Variants in BRINP3 observed in about 807,000 individuals in gnomAD.
BRINP3 encodes the protein BMP/retinoic acid-inducible neural-specific protein 3.
In BRINP3, 19 loss-of-function variants were observed where a neutral mutation model predicts 71.0. The ratio of observed to expected loss-of-function variants is 0.27; its 90% CI spans 0.19 to 0.39. The LOEUF (loss-of-function observed/expected upper bound fraction) is 0.39. BRINP3 is among the 10% of genes least tolerant of loss of function. The pLI, the probability that BRINP3 is intolerant of heterozygous loss-of-function variation, is 1.00. For missense variants in BRINP3, 959 were observed against 940.8 expected (o/e 1.02, Z -0.25); for synonymous variants, 380 against 337.7 (o/e 1.13, Z -1.37).
At chr1:190,292,465 G>A (rs1366057466) in intron 2 of BRINP3, among the ~76,000 whole-genome samples, 3 of 152,000 alleles carry the variant, frequency 2.0e-5, no homozygotes, top group African/African-American at 4.8e-5. Context: ...AGAAGCATGG[G>A]CAACATAGCT....
chr1:190,226,129 C>T lies in BRINP3; in HGVS notation c.914G>A (p.Arg305Gln), dbSNP rs774992892. 8 of 1,610,718 alleles carry T rather than the reference C, an allele frequency of 5.0e-6. No individual in the cohort carries two copies. Among genetic ancestry groups the T allele is most frequent in the South Asian group, 2.2e-5 (2 of 90,796 alleles). ...DIQAMEENLL[R>Q]ITETWKAYNS... is the part of the protein sequence containing the mutation. ...GTAAGCTTTCCAGGTTTCAGTTATT[C>T]GAAGAAGATTCTCTTCCATGGCTTG... The change falls in exon 6 of 8, where the codon CGA becomes CAA. Residue 305 changes from arginine (R) to glutamine (Q), a missense_variant. Arg to Gln is a conservative substitution (Grantham distance 43). Coordinates refer to ENST00000367462, the MANE Select transcript of BRINP3 (RefSeq NM_199051.3).
chr1:190,472,311 A>G (rs1677187974), intron 1 of BRINP3, among the ~76,000 whole-genome samples: 1 of 151,660 alleles, frequency 6.6e-6, no homozygotes, highest in Non-Finnish European at 1.5e-5. Flanking sequence ...GTCTACGTGT[A>G]CAAGCACTCT....
At chr1:190,417,362 T>A (rs1673075556) in intron 2 of BRINP3, among the ~76,000 whole-genome samples, 1 of 152,180 alleles carries the variant, frequency 6.6e-6, no homozygotes, top group Non-Finnish European at 1.5e-5. Flanking sequence ...TGTATTGCTC[T>A]AATTTTACAG....
chr1:190,180,155 C>T (rs1210791973), intron 6 of BRINP3, among the ~76,000 whole-genome samples: 1 of 152,076 alleles, frequency 6.6e-6, no homozygotes, highest in South Asian at 2.1e-4. Flanking sequence ...AGGGAAAGAG[C>T]ACGTGCCTGC....
intron 2 of BRINP3, among the ~76,000 whole-genome samples, chr1:190,287,311 A>G (rs1297422023): frequency 6.6e-6 from 1 of 152,142 alleles, no homozygotes; most frequent in East Asian, 1.9e-4. Flanking sequence ...TAAAAGGAAA[A>G]TGTTTTAAAT....
intron 2 of BRINP3, among the ~76,000 whole-genome samples, chr1:190,293,274 A>G (rs639574): frequency 0.81 from 122,516 of 151,942 alleles, 49,688 homozygotes; most frequent in Middle Eastern, 0.92. Context: ...TTTTTTTATC[A>G]ATACATAAGT....
At chr1:190,131,755 T>A (rs1385509303) in intron 7 of BRINP3, among the ~76,000 whole-genome samples, 1 of 152,120 alleles carries the variant, frequency 6.6e-6, no homozygotes, top group African/African-American at 2.4e-5. Context: ...TCCATGATCT[T>A]GCTCCTATCT....
chr1:190,304,188 A>G (rs1223368535), intron 2 of BRINP3, among the ~76,000 whole-genome samples: 1 of 151,838 alleles, frequency 6.6e-6, no homozygotes, highest in East Asian at 1.9e-4. Flanking sequence ...AAATCATTAA[A>G]ATGTTTCTTT....
At chr1:190,325,633 G>T (rs1169739522) in intron 2 of BRINP3, among the ~76,000 whole-genome samples, 1 of 152,034 alleles carries the variant, frequency 6.6e-6, no homozygotes, top group Non-Finnish European at 1.5e-5. Context: ...AGGTTGTCTT[G>T]AGTTACTTGA....
intron 1 of BRINP3, among the ~76,000 whole-genome samples, chr1:190,468,310 A>T (rs769285941): frequency 4.6e-5 from 7 of 151,268 alleles, no homozygotes; most frequent in Admixed American, 4.6e-4. Flanking sequence ...TTATTATTGG[A>T]GCTGCTGATT....
At chr1:190,232,452 G>A (rs559683478) in intron 5 of BRINP3, among the ~76,000 whole-genome samples, 1 of 152,058 alleles carries the variant, frequency 6.6e-6, no homozygotes, top group Non-Finnish European at 1.5e-5. Flanking sequence ...GAAATATTGA[G>A]GGTCTTGAAA....
At chr1:190,304,337 T>C (rs1291987761) in intron 2 of BRINP3, among the ~76,000 whole-genome samples, 3 of 151,852 alleles carry the variant, frequency 2.0e-5, no homozygotes. Context: ...ACTTACATAT[T>C]AAAAATTATC....
chr1:190,264,286 G>A (rs1661457476), intron 4 of BRINP3, among the ~76,000 whole-genome samples: 1 of 151,864 alleles, frequency 6.6e-6, no homozygotes, highest in African/African-American at 2.4e-5. Context: ...TGTATTCAAA[G>A]TCAAATGACT....
intron 2 of BRINP3, among the ~76,000 whole-genome samples, chr1:190,383,099 T>G (rs1426804307): frequency 2.0e-5 from 3 of 152,150 alleles, no homozygotes; most frequent in African/African-American, 4.8e-5. Context: ...CTGATATATT[T>G]TTTTTCCTCC....
chr1:190,224,431 T>C (rs1448664768), intron 6 of BRINP3, among the ~76,000 whole-genome samples: 4 of 151,816 alleles, frequency 2.6e-5, no homozygotes, highest in African/African-American at 9.7e-5. Context: ...TGGATAATTT[T>C]ATGCAGAAAA....
At chr1:190,276,697 A>C (rs2102917829) in intron 3 of BRINP3, among the ~76,000 whole-genome samples, 1 of 151,532 alleles carries the variant, frequency 6.6e-6, no homozygotes, top group South Asian at 2.1e-4. Context: ...GGTAGCATAC[A>C]TTGTTTTAAA....
chr1:190,351,991 A>T, intron 2 of BRINP3, among the ~76,000 whole-genome samples: 1 of 152,126 alleles, frequency 6.6e-6, no homozygotes, highest in Middle Eastern at 3.4e-3. Context: ...TACAGAAAAA[A>T]TTCTTTATTT....
At chr1:190,433,769 T>C (rs1300527274) in intron 2 of BRINP3, among the ~76,000 whole-genome samples, 1 of 152,200 alleles carries the variant, frequency 6.6e-6, no homozygotes, top group Non-Finnish European at 1.5e-5. Flanking sequence ...CTTCATATAC[T>C]TTTTAATTTT....
At chr1:190,430,517 A>T (rs1674024198) in intron 2 of BRINP3, among the ~76,000 whole-genome samples, 1 of 152,144 alleles carries the variant, frequency 6.6e-6, no homozygotes, top group South Asian at 2.1e-4. Context: ...AGTGTGCCTA[A>T]GCCAGATGGT....
Sources: allele counts gnomAD v4.1 joint callset (sites outside exome capture counted in the v4.1 genomes callset), GRCh38; gene constraint gnomAD v4.1.1; transcripts MANE v1.5; gene names NCBI Gene and HGNC (gene_info 2026-07-23, HGNC 2026-07-21).